The following SLC36A1 variants were observed in gnomAD, a reference collection of about 807,000 sequenced individuals.
SLC36A1 encodes solute carrier family 36 member 1, also known as proton-coupled amino acid transporter 1.
SLC36A1 carries 30 observed loss-of-function variants against 47.5 expected under a neutral mutation model. That is an observed-to-expected ratio of 0.63 (90% CI 0.47 to 0.86). The LOEUF is 0.86. Ranked by LOEUF, SLC36A1 falls within the 40% of genes least tolerant of loss-of-function variation. SLC36A1 has a pLI of 0.00. For missense variants in SLC36A1, 517 were observed against 606.0 expected, an observed-to-expected ratio of 0.85 and a Z score of 1.54; for synonymous variants, 255 against 249.7, an observed-to-expected ratio of 1.02 and a Z score of -0.20.
chr5:151,525,681 TCC>T, the SLC36A1 span: 2 of 1,462,866 alleles, frequency 1.4e-6, no homozygotes, highest in Non-Finnish European at 9.5e-7. Context: ...GTACATTTTT[TCC>T]CTAATGACAG....
chr5:151,486,365 G>A (rs1349383922), intron 10 of SLC36A1, among the ~76,000 whole-genome samples: 1 of 121,092 alleles, frequency 8.3e-6, no homozygotes, highest in Non-Finnish European at 1.7e-5. Flanking sequence ...AAATTTGGAG[G>A]GGATCCAAAC....
upstream of SLC36A1, chr5:151,447,571 G>C (rs1206831957): frequency 6.6e-6 from 1 of 152,370 alleles, no homozygotes; most frequent in Non-Finnish European, 1.5e-5. Flanking sequence ...ACGTGACCTC[G>C]GCCTCTGGCG....
At chr5:151,436,647 A>G (rs73285671), upstream of SLC36A1, among the ~76,000 whole-genome samples, 996 of 152,186 alleles carry the variant, frequency 6.5e-3, 15 homozygotes, top group East Asian at 0.027. Flanking sequence ...CCAATGAGTA[A>G]AATGAATGAA....
chr5:151,508,545 A>T, the SLC36A1 span, among the ~76,000 whole-genome samples: 61 of 152,296 alleles, frequency 4.0e-4, no homozygotes, highest in African/African-American at 1.5e-3. Flanking sequence ...CCCCGTATCT[A>T]CTAAAAATAC....
intron 1 of SLC36A1, among the ~76,000 whole-genome samples, chr5:151,441,945 C>T (rs944835845): frequency 5.9e-5 from 9 of 152,106 alleles, no homozygotes; most frequent in East Asian, 1.9e-4. Context: ...GTCTCTCCTC[C>T]GCATTCCCAG....
the SLC36A1 span, chr5:151,531,909 G>A: frequency 2.5e-6 from 4 of 1,614,086 alleles, no homozygotes; most frequent in East Asian, 2.2e-5. This position sits in a 1 kb window ranked among gnomAD's most constrained non-coding sequence, Gnocchi z 5.7. Flanking sequence ...CCGTGGTGGC[G>A]TCGATGGAAA....
At chr5:151,399,323 G>A in the SLC36A1 span, among the ~76,000 whole-genome samples, 913 of 151,886 alleles carry the variant, frequency 6.0e-3, 7 homozygotes, top group Non-Finnish European at 0.011. Flanking sequence ...CTGACCTCAG[G>A]TGATCTGCCC....
the SLC36A1 span, chr5:151,510,441 C>T: frequency 8.9e-6 from 3 of 336,760 alleles, no homozygotes; most frequent in South Asian, 9.3e-5. Flanking sequence ...TAGACACTAA[C>T]TTAGTGCTAG....
At chr5:151,521,916 G>T in the SLC36A1 span, 4 of 1,614,012 alleles carry the variant, frequency 2.5e-6, no homozygotes, top group Non-Finnish European at 3.4e-6. Flanking sequence ...TGTCCTGGGG[G>T]TCTCGGTCTG....
At chr5:151,450,388 G>C (rs1353477466) in intron 1 of SLC36A1, among the ~76,000 whole-genome samples, 2 of 151,916 alleles carry the variant, frequency 1.3e-5, no homozygotes, top group East Asian at 3.9e-4. Flanking sequence ...GGGATGGATG[G>C]GGCAGGTGTC....
the SLC36A1 span, chr5:151,543,352 A>G: frequency 1.2e-6 from 2 of 1,614,042 alleles, no homozygotes; most frequent in Non-Finnish European, 1.7e-6. Context: ...TTGAATGGAT[A>G]CTGTGTACTC....
chr5:151,364,588 A>G, the SLC36A1 span, among the ~76,000 whole-genome samples: 1 of 152,226 alleles, frequency 6.6e-6, no homozygotes, highest in African/African-American at 2.4e-5. Flanking sequence ...TAGAGTTTCA[A>G]CACTCTCACT....
chr5:151,467,686 T>C, intron 6 of SLC36A1, 21 bp from the exon 7 acceptor site: 1 of 1,603,418 alleles, frequency 6.2e-7, no homozygotes, highest in Non-Finnish European at 8.5e-7. Flanking sequence ...GTTTCCGTTT[T>C]CTTCCTTCCC....
intron 8 of SLC36A1, among the ~76,000 whole-genome samples, chr5:151,474,651 T>G (rs1283211550): frequency 1.3e-5 from 2 of 152,214 alleles, no homozygotes; most frequent in Non-Finnish European, 2.9e-5. Flanking sequence ...AACATTGGTT[T>G]GGTGTATTTT....
chr5:151,407,497 T>C, the SLC36A1 span, among the ~76,000 whole-genome samples: 3 of 151,122 alleles, frequency 2.0e-5, no homozygotes, highest in Non-Finnish European at 2.9e-5. Context: ...CACTGATTGG[T>C]GCATATTTAC....
the SLC36A1 span, among the ~76,000 whole-genome samples, chr5:151,397,946 A>G: frequency 6.6e-6 from 1 of 151,448 alleles, no homozygotes; most frequent in South Asian, 2.1e-4. Flanking sequence ...GTGAAACCCC[A>G]TCCCTACAAA....
chr5:151,501,026 AG>A, the SLC36A1 span, among the ~76,000 whole-genome samples: 8 of 152,186 alleles, frequency 5.3e-5, no homozygotes, highest in Non-Finnish European at 4.4e-5. Context: ...AATGGGAGGC[AG>A]GGAGGTGCTG....
At chr5:151,398,145 T>C in the SLC36A1 span, among the ~76,000 whole-genome samples, 81 of 152,206 alleles carry the variant, frequency 5.3e-4, no homozygotes, top group African/African-American at 1.9e-3. Context: ...TGGACAGTCG[T>C]TGGATTAACT....
the SLC36A1 span, among the ~76,000 whole-genome samples, chr5:151,347,899 G>A: frequency 6.6e-6 from 1 of 152,116 alleles, no homozygotes; most frequent in Non-Finnish European, 1.5e-5. Flanking sequence ...GAATCTGCCC[G>A]AGGTCAGATA....
Sources: allele counts gnomAD v4.1 joint callset (sites outside exome capture counted in the v4.1 genomes callset), GRCh38; gene constraint gnomAD v4.1.1; non-coding constraint Gnocchi (gnomAD v3.1); transcripts MANE v1.5; gene names NCBI Gene and HGNC (gene_info 2026-07-23, HGNC 2026-07-21).